HUWE1: variants seen among roughly 807,000 people sequenced by gnomAD.
HUWE1 encodes the protein HECT, UBA and WWE domain containing E3 ubiquitin protein ligase 1.
A neutral mutation model predicts 299.4 loss-of-function variants in HUWE1; 18 were observed. The ratio of observed to expected loss-of-function variants is 0.06; its 90% confidence interval spans 0.04 to 0.09. The LOEUF (loss-of-function observed/expected upper bound fraction) is 0.09, where lower values mean the gene tolerates loss of function less well. Ranked by LOEUF, HUWE1 falls within the 10% of genes least tolerant of loss-of-function variation. The pLI is 1.00. For missense variants in HUWE1, 1,832 were observed against 3,462.3 expected, an observed-to-expected ratio of 0.53 and a Z score of 11.82; for synonymous variants, 1,317 against 1,286.1, an observed-to-expected ratio of 1.02 and a Z score of -0.51.
intron 19 of HUWE1, among the ~76,000 whole-genome samples, chrX:53,620,231 G>A (rs1258275533): frequency 3.7e-5 from 4 of 108,107 alleles, no homozygotes; most frequent in Non-Finnish European, 7.7e-5. Flanking sequence ...TTTCAAACAA[G>A]GCATCACCTT....
intron 44 of HUWE1, 40 bp downstream of exon 44, chrX:53,576,860 C>T (rs782639069): frequency 8.3e-7 from 1 of 1,200,876 alleles, no homozygotes; most frequent in South Asian, 1.8e-5. Context: ...AGTAACATAT[C>T]CTCTAGTGCC....
At position 53,648,131 on chromosome X, in the gene HUWE1, G is replaced by A. The variant is rs781913402; in HGVS notation, c.144+81C>T. The A allele has an allele frequency of 6.7e-4, 434 of 643,900 alleles. 1 individual carries two copies. The highest frequency in any genetic ancestry group is 1.0e-3 in the Non-Finnish European group (397 of 386,816). The allele number at this position is 643,900 out of a possible 1,213,427, so 53.1% of individuals were successfully genotyped here. On this transcript the variant is annotated intron_variant, in intron 5 of 83. Transcript: ENST00000262854. The stretch of plus-strand genomic sequence containing the variant: ...TGCTGAATGAGGCTATCCCATTGTG[G>A]TTTCTTATTCCATATCAGAGCATAC...
intron 7 of HUWE1, among the ~76,000 whole-genome samples, chrX:53,636,521 C>T (rs781959640): frequency 1.8e-5 from 2 of 112,004 alleles, no homozygotes; most frequent in African/African-American, 3.2e-5. Flanking sequence ...GTCAGGAGTT[C>T]GACACCAGCT....
intron 7 of HUWE1, among the ~76,000 whole-genome samples, chrX:53,640,646 T>C (rs2067526740): frequency 9.0e-6 from 1 of 111,524 alleles, no homozygotes; most frequent in African/African-American, 3.3e-5. Context: ...CTACAATCTC[T>C]TTAGATCAAT....
intron 63 of HUWE1, among the ~76,000 whole-genome samples, 189 bp from the exon 64 acceptor site, chrX:53,551,669 C>T (rs1556929193): frequency 9.0e-6 from 1 of 111,102 alleles, no homozygotes; most frequent in Non-Finnish European, 1.9e-5. Flanking sequence ...ACCAAAATGC[C>T]TGGCTAATTT....
intron 31 of HUWE1, 44 bp downstream of exon 31, chrX:53,594,455 C>T (rs782725969): frequency 2.5e-6 from 3 of 1,199,249 alleles, no homozygotes; most frequent in Non-Finnish European, 3.4e-6. Flanking sequence ...CAGCAAAGAT[C>T]AAACTCCAAG....
chrX:53,592,889 G>A (rs2064238641), intron 32 of HUWE1, among the ~76,000 whole-genome samples: 1 of 111,447 alleles, frequency 9.0e-6, no homozygotes, highest in Admixed American at 9.5e-5. Flanking sequence ...GGGTCATGGG[G>A]GTGGATCCCT....
chrX:53,615,783 C>A lies in HUWE1; in HGVS notation c.2010G>T (p.Gln670His). 8.3e-7 allele frequency: 1 copy of A among 1,210,089 alleles called. No individual in the cohort carries two copies. Among genetic ancestry groups the A allele is most frequent in the Non-Finnish European group, 1.1e-6 (1 of 894,318 alleles). Reference sequence around the variant, plus strand: ...TCGTTGCATCTGTTTTAAGGGTGGGCTGATGTCTCATGAGCTCATCGACAG... The same window carrying A: ...TCGTTGCATCTGTTTTAAGGGTGGGATGATGTCTCATGAGCTCATCGACAG... ...GSAVDELMRH[Q>H]PTLKTDATTA... The change falls in exon 22 of 84, where the codon CAG becomes CAT. Residue 670 changes from glutamine to histidine, a missense_variant. Coordinates refer to ENST00000262854, the MANE Select transcript of HUWE1 (RefSeq NM_031407.7).
intron 3 of HUWE1, among the ~76,000 whole-genome samples, chrX:53,672,502 A>C (rs1467594491): frequency 9.1e-6 from 1 of 110,114 alleles, no homozygotes; most frequent in Non-Finnish European, 1.9e-5. Context: ...CAAATGATCC[A>C]CCCACCTTGG....
chrX:53,569,921 T>A, intron 47 of HUWE1, 94 bp from the exon 48 acceptor site: 1 of 753,861 alleles, frequency 1.3e-6, no homozygotes, highest in East Asian at 3.4e-5. Flanking sequence ...TAGTATTTCC[T>A]TAAGTCACCC....
intron 82 of HUWE1, 22 bp from the exon 83 acceptor site, chrX:53,534,219 G>A (rs782133828): frequency 2.2e-5 from 26 of 1,174,683 alleles, no homozygotes; most frequent in Non-Finnish European, 2.9e-5. Flanking sequence ...GACCCATGAA[G>A]CCAGTGTTAG....
intron 3 of HUWE1, among the ~76,000 whole-genome samples, chrX:53,659,033 C>T (rs782630432): frequency 1.1e-4 from 12 of 112,606 alleles, no homozygotes; most frequent in Non-Finnish European, 1.9e-4. Flanking sequence ...CGGCCAAAAC[C>T]CAGAACACTG....
chrX:53,679,638 A>T (rs192780983), intron 3 of HUWE1, among the ~76,000 whole-genome samples: 272 of 111,592 alleles, frequency 2.4e-3, no homozygotes, highest in Middle Eastern at 0.014. Flanking sequence ...TAAAAAAATT[A>T]AAAAAAACCA....
intron 3 of HUWE1, among the ~76,000 whole-genome samples, chrX:53,660,816 G>A (rs1447719698): frequency 9.0e-6 from 1 of 111,433 alleles, no homozygotes; most frequent in Non-Finnish European, 1.9e-5. Context: ...TCCAATTGAA[G>A]TATTCCAAAG....
At position 53,546,428 on chromosome X, in the gene HUWE1, G is replaced by A. The variant is rs781899423; in HGVS notation, c.10915+8C>T. 3.3e-6 allele frequency: 4 copies of A among 1,205,326 alleles called. No homozygotes were observed. Among genetic ancestry groups the A allele is most frequent in the Admixed American group, 4.4e-5 (2 of 45,848 alleles). On this transcript the variant is annotated splice_region_variant and intron_variant, in intron 70 of 83. Transcript: ENST00000262854. ...CAGAAAGAGAAAATGCTTTACTTCTGCTATTACCTATTTGTTTACAAAGGG... is the reference window on the plus strand; with the variant it reads ...CAGAAAGAGAAAATGCTTTACTTCTACTATTACCTATTTGTTTACAAAGGG...
chrX:53,642,604 A>G (rs2067676620), intron 7 of HUWE1, among the ~76,000 whole-genome samples: 1 of 111,877 alleles, frequency 8.9e-6, no homozygotes, highest in Admixed American at 9.5e-5. Context: ...ACCAGTCTAC[A>G]CTCCTATGAA....
chrX:53,684,390 G>A (rs1486976758), intron 2 of HUWE1, among the ~76,000 whole-genome samples: 2 of 112,024 alleles, frequency 1.8e-5, no homozygotes, highest in Non-Finnish European at 3.8e-5. Flanking sequence ...GAACCCTCCC[G>A]TCCTGCAGGG....
intron 25 of HUWE1, among the ~76,000 whole-genome samples, chrX:53,606,532 C>CA (rs2065162435): frequency 1.8e-5 from 2 of 110,751 alleles, no homozygotes; most frequent in Non-Finnish European, 3.8e-5. Flanking sequence ...TCCATGTTCA[C>CA]AGCATCATTA....
chrX:53,561,016 C>T (rs782380626), intron 55 of HUWE1, among the ~76,000 whole-genome samples: 3 of 111,926 alleles, frequency 2.7e-5, no homozygotes, highest in Non-Finnish European at 3.8e-5. Context: ...ATGAAAATCA[C>T]AAAAATGCAA....
Sources: gnomAD v4.1 joint callset for allele counts (sites outside exome capture counted in the v4.1 genomes callset) on GRCh38, gnomAD v4.1.1 for gene constraint, MANE v1.5 for transcripts, NCBI Gene and HGNC (gene_info 2026-07-23, HGNC 2026-07-21) for gene names.